The following NAALADL2 variants were observed in gnomAD, a reference collection of about 807,000 sequenced individuals.
NAALADL2 encodes the protein inactive N-acetylated-alpha-linked acidic dipeptidase-like protein 2.
In NAALADL2, 76 loss-of-function variants were observed where a neutral mutation model predicts 87.2. The observed-to-expected ratio is 0.87, with a 90% CI of 0.72 to 1.05. The LOEUF is 1.05. NAALADL2 is among the 50% of genes least tolerant of loss of function. The pLI, the probability that NAALADL2 is intolerant of heterozygous loss-of-function variation, is 0.00. For missense variants in NAALADL2, 1,089 were observed against 945.8 expected (o/e 1.15, Z -1.99); for synonymous variants, 354 against 331.0 (o/e 1.07, Z -0.75).
At chr3:175,383,499 A>G (rs1217301471) in intron 5 of NAALADL2, among the ~76,000 whole-genome samples, 2 of 152,076 alleles carry the variant, frequency 1.3e-5, no homozygotes, top group Non-Finnish European at 1.5e-5. Context: ...TACAGTTACC[A>G]TGTGGTGCAA....
At chr3:175,032,747 A>G (rs1258576825) in intron 1 of NAALADL2, among the ~76,000 whole-genome samples, 1 of 151,954 alleles carries the variant, frequency 6.6e-6, no homozygotes, top group Non-Finnish European at 1.5e-5. Flanking sequence ...CTCTAATTCC[A>G]TATTTTTCTC....
intron 6 of NAALADL2, among the ~76,000 whole-genome samples, chr3:175,455,949 T>C (rs906665203): frequency 1.3e-5 from 2 of 151,982 alleles, no homozygotes; most frequent in East Asian, 3.9e-4. Context: ...AAATATTCAA[T>C]TAAACTTAGA....
At chr3:175,672,424 C>G (rs2149847745) in intron 11 of NAALADL2, among the ~76,000 whole-genome samples, 1 of 152,218 alleles carries the variant, frequency 6.6e-6, no homozygotes, top group South Asian at 2.1e-4. Flanking sequence ...GCTGTTAGTG[C>G]CGTTACGTGA....
chr3:175,245,984 G>A (rs1039944985), intron 3 of NAALADL2, among the ~76,000 whole-genome samples: 1 of 152,154 alleles, frequency 6.6e-6, no homozygotes, highest in Non-Finnish European at 1.5e-5. Context: ...GTCTGCCACA[G>A]GAGTGGGGGA....
chr3:175,285,182 A>G (rs1754832464), intron 4 of NAALADL2, among the ~76,000 whole-genome samples: 1 of 152,164 alleles, frequency 6.6e-6, no homozygotes, highest in African/African-American at 2.4e-5. Flanking sequence ...GGCAAAGGTA[A>G]TATTTTAAAA....
chr3:174,946,043 C>CAAAAA (rs57964168), intron 1 of NAALADL2, among the ~76,000 whole-genome samples: 9 of 50,260 alleles, frequency 1.8e-4, no homozygotes, highest in South Asian at 8.8e-4. Flanking sequence ...GACTCTGCCT[C>CAAAAA]AAAAAAAAAA....
intron 2 of NAALADL2, among the ~76,000 whole-genome samples, chr3:175,187,489 A>G (rs575299628): frequency 2.6e-5 from 4 of 152,018 alleles, no homozygotes; most frequent in Non-Finnish European, 5.9e-5. Flanking sequence ...GTTTTCCTCA[A>G]GCTTTTATTT....
At chr3:175,590,850 G>A (rs1185287491) in intron 10 of NAALADL2, among the ~76,000 whole-genome samples, 6 of 152,132 alleles carry the variant, frequency 3.9e-5, no homozygotes, top group Admixed American at 6.5e-5. Context: ...TGATTTCAAG[G>A]ACATAGTTTG....
chr3:174,851,426 A>T lies in NAALADL2; in HGVS notation c.-9+113680A>T, dbSNP rs528979994. 1.3e-4 allele frequency among the ~76,000 whole-genome samples: 20 copies of T among 151,898 alleles called. No homozygotes were observed. The East Asian group carries it at 3.9e-3, about 29-fold the overall frequency. ...TAAATAAAATCAGAGTTGAAAAAGG[A>T]GACATTACAACCGATAGCTAAGAAA... On this transcript the variant is annotated intron_variant, in intron 3 of 3. Coordinates refer to the NAALADL2 transcript ENST00000434257.
intron 4 of NAALADL2, among the ~76,000 whole-genome samples, chr3:175,298,450 A>G (rs1756645205): frequency 6.6e-6 from 1 of 152,188 alleles, no homozygotes. Context: ...AAGTAATAAT[A>G]ACTTTCTTTA....
At chr3:175,341,522 T>TACC in intron 5 of NAALADL2, among the ~76,000 whole-genome samples, 1 of 152,180 alleles carries the variant, frequency 6.6e-6, no homozygotes, top group African/African-American at 2.4e-5. Flanking sequence ...GGCATGTACC[T>TACC]AAGAGTAGAA....
At chr3:175,574,972 T>C (rs1224604627) in intron 9 of NAALADL2, among the ~76,000 whole-genome samples, 4 of 152,186 alleles carry the variant, frequency 2.6e-5, no homozygotes, top group Non-Finnish European at 5.9e-5. Context: ...GTTGATGCCA[T>C]TGCATCTCAG....
chr3:174,882,634 T>TACACATATGTGCATAA (rs1729438234), intron 1 of NAALADL2, among the ~76,000 whole-genome samples: 3 of 89,560 alleles, frequency 3.3e-5, no homozygotes, highest in African/African-American at 1.2e-4. Context: ...TATGTGCATA[T>TACACATATGTGCATAA]ACACATATGT....
Position 175,373,624 on chromosome 3 carries a change from G to A in NAALADL2, c.1090+49299G>A, listed in dbSNP as rs568900184. Among the ~76,000 whole-genome samples the A allele has an allele frequency of 2.0e-5, 3 of 152,274 alleles. No individual in the cohort carries two copies. In the South Asian group the frequency reaches 6.2e-4, roughly 32 times the overall value. ...TATTATGAATCAAGGTAATATGAAT[G>A]TTCACGTACAAGCCTTTTTGTAAAC... On this transcript the variant is annotated intron_variant, in intron 5 of 13. Coordinates refer to ENST00000454872, the MANE Select transcript of NAALADL2 (RefSeq NM_207015.3).
chr3:175,707,662 GTT>G (rs1326916178), intron 11 of NAALADL2, among the ~76,000 whole-genome samples: 1 of 152,026 alleles, frequency 6.6e-6, no homozygotes, highest in Non-Finnish European at 1.5e-5. Context: ...GGAGAAATAC[GTT>G]TATAGAGATA....
chr3:174,587,653 A>G, intron 2 of NAALADL2, among the ~76,000 whole-genome samples: 1 of 152,174 alleles, frequency 6.6e-6, no homozygotes, highest in Non-Finnish European at 1.5e-5. Flanking sequence ...TTGGCTGGAT[A>G]TGAAATTCTG....
At chr3:175,715,188 C>T (rs1323761542) in intron 11 of NAALADL2, among the ~76,000 whole-genome samples, 2 of 152,060 alleles carry the variant, frequency 1.3e-5, no homozygotes, top group Non-Finnish European at 2.9e-5. Flanking sequence ...AGTTTTATGT[C>T]CAAGGCCACA....
At chr3:175,301,421 TAATA>T (rs147746958) in intron 4 of NAALADL2, among the ~76,000 whole-genome samples, 1 of 152,130 alleles carries the variant, frequency 6.6e-6, no homozygotes, top group South Asian at 2.1e-4. Flanking sequence ...ACTTAAAGTA[TAATA>T]AATAAATAAA....
intron 6 of NAALADL2, among the ~76,000 whole-genome samples, chr3:175,455,671 T>C (rs994299010): frequency 6.6e-5 from 10 of 152,100 alleles, no homozygotes; most frequent in African/African-American, 2.4e-4. Context: ...GATAGCTATA[T>C]GTACTTGAAA....
Sources: allele counts gnomAD v4.1 joint callset (sites outside exome capture counted in the v4.1 genomes callset), GRCh38; gene constraint gnomAD v4.1.1; transcripts MANE v1.5; gene names NCBI Gene and HGNC (gene_info 2026-07-23, HGNC 2026-07-21).